The following MLLT3 variants were observed in gnomAD, a reference collection of about 807,000 sequenced individuals.
MLLT3 encodes protein AF-9.
A neutral mutation model predicts 53.2 loss-of-function variants in MLLT3; 4 were observed. The ratio of observed to expected loss-of-function variants is 0.08; its 90% CI spans 0.04 to 0.17. The LOEUF is 0.17. MLLT3 is among the 10% of genes least tolerant of loss of function. The pLI is 1.00. For synonymous variants in MLLT3, 283 were observed against 230.6 expected (o/e 1.23, Z -2.06); for missense variants, 569 against 684.0 (o/e 0.83, Z 1.87).
intron 5 of MLLT3, among the ~76,000 whole-genome samples, chr9:20,378,778 T>C (rs73648208): frequency 0.016 from 2,411 of 152,170 alleles, 67 homozygotes; most frequent in African/African-American, 0.054. Flanking sequence ...AGTCCCTCTA[T>C]CTTAGTGAAA....
chr9:20,346,632 G>A, intron 10 of MLLT3, 58 bp from the exon 11 acceptor site: 2 of 1,563,004 alleles, frequency 1.3e-6, no homozygotes. Flanking sequence ...AAAAGGCAAA[G>A]AGAGAGTAAT....
At chr9:20,481,971 T>C (rs749284251) in intron 2 of MLLT3, among the ~76,000 whole-genome samples, 10 of 152,094 alleles carry the variant, frequency 6.6e-5, no homozygotes, top group Non-Finnish European at 1.2e-4. Flanking sequence ...CTCAAGAACA[T>C]GCTGAAAAAA....
At chr9:20,447,143 A>G (rs1274887836) in intron 4 of MLLT3, among the ~76,000 whole-genome samples, 1 of 152,150 alleles carries the variant, frequency 6.6e-6, no homozygotes, top group Non-Finnish European at 1.5e-5. Context: ...TAGGTTCTCA[A>G]AGTGGTTGTT....
intron 2 of MLLT3, among the ~76,000 whole-genome samples, chr9:20,595,192 T>C (rs1283382067): frequency 1.3e-5 from 2 of 151,852 alleles, no homozygotes; most frequent in Non-Finnish European, 2.9e-5. Flanking sequence ...TCTCCATCTC[T>C]ACAAAAAGAA....
At chr9:20,563,356 C>A in intron 2 of MLLT3, among the ~76,000 whole-genome samples, 1 of 151,938 alleles carries the variant, frequency 6.6e-6, no homozygotes. Context: ...TATTCACTAT[C>A]TAATCTTACC....
chr9:20,363,788 T>C (rs1227309072), intron 6 of MLLT3, among the ~76,000 whole-genome samples, 183 bp from the exon 7 acceptor site: 3 of 152,208 alleles, frequency 2.0e-5, no homozygotes, highest in South Asian at 2.1e-4. Context: ...CAAAACACTA[T>C]TGTTTTCATA....
chr9:20,556,085 T>C (rs1285428281), intron 2 of MLLT3, among the ~76,000 whole-genome samples: 2 of 152,176 alleles, frequency 1.3e-5, no homozygotes, highest in Non-Finnish European at 2.9e-5. Context: ...GCCAAATCTT[T>C]TCTCATCTAG....
At position 20,621,906 on chromosome 9, in the gene MLLT3, T is replaced by C; in HGVS notation, c.12+339A>G. On this transcript the variant is annotated intron_variant, in intron 1 of 10. Coordinates refer to ENST00000380338, the MANE Select transcript of MLLT3 (RefSeq NM_004529.4). The surrounding 1 kb of genome is among the most constrained non-coding windows in gnomAD (Gnocchi z 7.0). ...TTATTATTCGCCTCCTTCCACCGTG[T>C]GTGTGTGTGTGTGTGAGTGCGCGCG... 2 of 1,210,496 alleles carry C rather than the reference T, an allele frequency of 1.7e-6. No homozygotes were observed. Among genetic ancestry groups the C allele is most frequent in the Non-Finnish European group, 2.1e-6 (2 of 930,840 alleles). The allele number at this position is 1,210,496 out of a possible 1,614,324, so 75.0% of individuals were successfully genotyped here.
Position 20,346,379 on chromosome 9 carries a change from C to CAAAAAAAAAAAAAACAAAAA in MLLT3, c.*63_*64insTTTTTGTTTTTTTTTTTTTT, listed in dbSNP as rs1587135214. 2 of 850,152 alleles carry CAAAAAAAAAAAAAACAAAAA rather than the reference C, an allele frequency of 2.4e-6. No individual in the cohort carries two copies. The highest frequency in any genetic ancestry group is 4.7e-5 in the Admixed American group (1 of 21,276). The allele number at this position is 850,152 out of a possible 1,614,324, so 52.7% of individuals were successfully genotyped here. On this transcript the variant is annotated 3_prime_UTR_variant, in exon 11 of 11. Coordinates refer to ENST00000380338, the MANE Select transcript of MLLT3 (RefSeq NM_004529.4). ...AACAACAAGAACAAAAAATCACAAC[C>CAAAAAAAAAAAAAACAAAAA]AAAAAAAAAAAAAACCAAAAAAAAA...
intron 10 of MLLT3, among the ~76,000 whole-genome samples, chr9:20,351,615 T>C (rs1481080365): frequency 6.6e-6 from 1 of 152,212 alleles, no homozygotes; most frequent in Non-Finnish European, 1.5e-5. Context: ...AACCGCTTTT[T>C]GTGAGCCAAA....
chr9:20,466,408 C>T (rs1383334933), intron 2 of MLLT3, among the ~76,000 whole-genome samples: 1 of 152,122 alleles, frequency 6.6e-6, no homozygotes, highest in African/African-American at 2.4e-5. Flanking sequence ...AATCTGAAAC[C>T]ACTGTTCAAA....
intron 2 of MLLT3, among the ~76,000 whole-genome samples, chr9:20,598,373 G>A (rs1463590147): frequency 3.3e-5 from 5 of 151,694 alleles, no homozygotes; most frequent in East Asian, 1.9e-4. Context: ...TCTCCCCTTC[G>A]CCCCACATAT....
intron 5 of MLLT3, chr9:20,411,785 A>G (rs2118770490): frequency 6.6e-6 from 1 of 152,332 alleles, no homozygotes; most frequent in African/African-American, 2.4e-5. Context: ...AGGGAGCAAG[A>G]GGCAGACAAA....
chr9:20,374,865 G>A (rs1180029303), intron 5 of MLLT3, among the ~76,000 whole-genome samples: 3 of 152,120 alleles, frequency 2.0e-5, no homozygotes, highest in Non-Finnish European at 4.4e-5. Context: ...TTAACCCCCA[G>A]TGTCCCAATA....
chr9:20,589,778 T>G (rs945048950), intron 2 of MLLT3, among the ~76,000 whole-genome samples: 7 of 150,932 alleles, frequency 4.6e-5, no homozygotes, highest in Non-Finnish European at 8.8e-5. Context: ...TGGTGCAATC[T>G]CGGCTCACTG....
rs547835433 is a variant in MLLT3 at position 20,449,160 on chromosome 9, C to T, written c.277-894G>A. 5.3e-5 allele frequency among the ~76,000 whole-genome samples: 8 copies of T among 152,280 alleles called. No homozygotes were observed. In the South Asian group the frequency reaches 6.2e-4, roughly 12 times the overall value. The stretch of plus-strand genomic sequence containing the variant: ...ATGCATCTTTCTCTCACCCTTGCCA[C>T]GTCTTAGAATAATTGCCTTCTTATT... On this transcript the variant is annotated intron_variant, in intron 3 of 10. Coordinates refer to ENST00000380338, the MANE Select transcript of MLLT3 (RefSeq NM_004529.4).
At position 20,345,095 on chromosome 9, in the gene MLLT3, T is replaced by C. The variant is rs1343694469; in HGVS notation, c.*1348A>G. 1 of 220,572 alleles carries C rather than the reference T, an allele frequency of 4.5e-6. No homozygotes were observed. Among genetic ancestry groups the C allele is most frequent in the Non-Finnish European group, 9.1e-6 (1 of 110,178 alleles). 13.7% of individuals were successfully genotyped at this position (220,572 alleles called of 1,614,324 possible). ...TCTTTTAAAAATAATTTGCTTTCTT[T>C]TGCATGCCACAGGACAGATTTCTAG... On this transcript the variant is annotated 3_prime_UTR_variant, in exon 11 of 11. Coordinates refer to ENST00000380338, the MANE Select transcript of MLLT3 (RefSeq NM_004529.4).
intron 2 of MLLT3, among the ~76,000 whole-genome samples, chr9:20,471,313 G>C (rs535339710): frequency 6.6e-6 from 1 of 151,906 alleles, no homozygotes; most frequent in Non-Finnish European, 1.5e-5. Context: ...ACAGTAATGC[G>C]ATGTTGAGTG....
intron 4 of MLLT3, among the ~76,000 whole-genome samples, chr9:20,446,985 G>C (rs777495755): frequency 6.6e-6 from 1 of 152,114 alleles, no homozygotes; most frequent in Non-Finnish European, 1.5e-5. Flanking sequence ...AAAAGTACTT[G>C]CAATGCTTCA....
Sources: allele counts gnomAD v4.1 joint callset (sites outside exome capture counted in the v4.1 genomes callset), GRCh38; gene constraint gnomAD v4.1.1; non-coding constraint Gnocchi (gnomAD v3.1); transcripts MANE v1.5; gene names NCBI Gene and HGNC (gene_info 2026-07-23, HGNC 2026-07-21).